PDIA6: variants seen among roughly 807,000 people sequenced by gnomAD.
The protein encoded by PDIA6 is protein disulfide isomerase family A member 6, also known as protein disulfide-isomerase A6.
PDIA6 carries 29 observed loss-of-function variants against 58.4 expected under a neutral mutation model. That is an observed-to-expected ratio of 0.50 (90% CI 0.37 to 0.68). The LOEUF is 0.68. PDIA6 is among the 30% of genes least tolerant of loss of function. The probability of loss-of-function intolerance (pLI) is 0.00; values close to 1 mark genes in which losing one functional copy is unlikely to be tolerated. For synonymous variants in PDIA6, 192 were observed against 202.6 expected, an observed-to-expected ratio of 0.95 and a Z score of 0.44; for missense variants, 480 against 551.0, an observed-to-expected ratio of 0.87 and a Z score of 1.29.
chr2:10,789,929 T>C, intron 7 of PDIA6, 40 bp from the exon 8 acceptor site: 1 of 1,550,554 alleles, frequency 6.4e-7, no homozygotes. Flanking sequence ...CAATTAACAC[T>C]TAATGCAAAA....
rs150405130 is a variant in PDIA6, at chr2:10,806,920, G to A, written c.20-4280C>T. ...CTATACCATGTAGCCTAGGTTTTTA[G>A]TAAGTTATGCCATCTAGGTTTGTAT... On this transcript the variant is annotated intron_variant, in intron 1 of 12. Transcript: ENST00000272227. Among the ~76,000 whole-genome samples, 162 of 152,244 alleles carry A rather than the reference G, an allele frequency of 1.1e-3. 3 individuals carry two copies. The South Asian group carries it at 0.03, about 28-fold the overall frequency.
chr2:10,786,038 C>T lies in PDIA6; in HGVS notation c.1158-1008G>A, dbSNP rs998499719. ...CCCACAAACTTAATGAAAACACCCC[C>T]TTGGCCAGGCGTGGTGGCTCACACC... On this transcript the variant is annotated intron_variant, in intron 11 of 12. Coordinates refer to ENST00000272227, the MANE Select transcript of PDIA6 (RefSeq NM_005742.4). Among the ~76,000 whole-genome samples the T allele has an allele frequency of 2.0e-5, 3 of 152,168 alleles. No homozygotes were observed. In the South Asian group the frequency reaches 6.2e-4, roughly 32 times the overall value.
At chr2:10,784,719 T>C (rs1374226045) in intron 12 of PDIA6, 1 of 551,572 alleles carries the variant, frequency 1.8e-6, no homozygotes, top group African/African-American at 1.9e-5. Flanking sequence ...ACTACTGAAA[T>C]GTATCTTGGC....
chr2:10,836,330 G>T (rs2148587069), upstream of PDIA6, among the ~76,000 whole-genome samples: 1 of 152,216 alleles, frequency 6.6e-6, no homozygotes, highest in South Asian at 2.1e-4. Flanking sequence ...GTCTAGGATG[G>T]GTCTGGGGCT....
intron 1 of PDIA6, among the ~76,000 whole-genome samples, chr2:10,831,180 G>A (rs942537168): frequency 6.6e-6 from 1 of 152,186 alleles, no homozygotes; most frequent in African/African-American, 2.4e-5. Context: ...ACTGTGATAG[G>A]GCGGGCGTTG....
intron 1 of PDIA6, among the ~76,000 whole-genome samples, 153 bp downstream of exon 1, chr2:10,812,525 G>A (rs997364712): frequency 6.6e-6 from 1 of 151,588 alleles, no homozygotes; most frequent in African/African-American, 2.4e-5. Flanking sequence ...GGGCAACCTA[G>A]CAGCTCCTCC....
chr2:10,817,665 A>C (rs553604471), upstream of PDIA6, among the ~76,000 whole-genome samples: 1 of 152,358 alleles, frequency 6.6e-6, no homozygotes, highest in South Asian at 2.1e-4. Flanking sequence ...CTCTTCCACC[A>C]GGCGGAATTG....
At chr2:10,833,455 C>G (rs1667757831), upstream of PDIA6, among the ~76,000 whole-genome samples, 1 of 152,216 alleles carries the variant, frequency 6.6e-6, no homozygotes, top group Non-Finnish European at 1.5e-5. Context: ...TTCAGTCCAT[C>G]ACCACAGTGG....
intron 1 of PDIA6, among the ~76,000 whole-genome samples, chr2:10,803,209 G>A (rs1242990908): frequency 1.3e-5 from 2 of 152,180 alleles, no homozygotes; most frequent in African/African-American, 4.8e-5. Context: ...CCAGGCTGGA[G>A]TGCAATGGCA....
At position 10,784,957 on chromosome 2, in the gene PDIA6, GCT is replaced by G; in HGVS notation, c.1229_1230del (p.Glu410AlafsTer14). ...GGAFPTIVER[E>X]PWDGRDGELP... ...ACCTCGCCATCCCTGCCGTCCCAAG[GCT>G]CTCTCTCAACGATGGTAGGGAAAGC... On this transcript the variant is annotated frameshift_variant, in exon 12 of 13. Transcript: ENST00000272227. LOFTEE classifies it high-confidence loss of function. 3 of 1,589,772 alleles carry G rather than the reference GCT, an allele frequency of 1.9e-6. No individual in the cohort carries two copies. Among genetic ancestry groups the G allele is most frequent in the Non-Finnish European group, 2.6e-6 (3 of 1,166,722 alleles).
chr2:10,834,776 G>A (rs930110963), upstream of PDIA6, among the ~76,000 whole-genome samples: 7 of 105,562 alleles, frequency 6.6e-5, no homozygotes, highest in South Asian at 3.0e-4. Flanking sequence ...CCTTCCTTCC[G>A]TTCTTTCTTT....
chr2:10,801,232 C>G (rs1298378306), intron 2 of PDIA6, among the ~76,000 whole-genome samples: 1 of 152,140 alleles, frequency 6.6e-6, no homozygotes, highest in African/African-American at 2.4e-5. Flanking sequence ...GAGCCGTGAT[C>G]ATGCTGCTGC....
intron 1 of PDIA6, among the ~76,000 whole-genome samples, chr2:10,803,911 GTTT>G (rs754643092): frequency 2.5e-5 from 3 of 117,888 alleles, no homozygotes; most frequent in South Asian, 3.2e-4. Flanking sequence ...TAGTTTTTGT[GTTT>G]TTTTTTTTTT....
intron 1 of PDIA6, among the ~76,000 whole-genome samples, chr2:10,826,547 A>C (rs533301105): frequency 1.3e-3 from 200 of 152,150 alleles, no homozygotes; most frequent in African/African-American, 4.7e-3. Context: ...TTTAGTAGAG[A>C]GGAGGTTTTG....
At chr2:10,814,527 A>G (rs1156673358), upstream of PDIA6, among the ~76,000 whole-genome samples, 6 of 152,118 alleles carry the variant, frequency 3.9e-5, no homozygotes, top group Non-Finnish European at 8.8e-5. Flanking sequence ...CTGAGGGGCA[A>G]TGAATGCTGT....
intron 6 of PDIA6, among the ~76,000 whole-genome samples, chr2:10,791,156 T>C (rs1666018221): frequency 1.3e-5 from 2 of 152,184 alleles, no homozygotes; most frequent in East Asian, 1.9e-4. Context: ...TTTTCTTTTT[T>C]TTTTTAAGAC....
At chr2:10,819,191 G>T in intron 2 of PDIA6, 1 of 774,088 alleles carries the variant, frequency 1.3e-6, no homozygotes. Context: ...CCATCCGTCT[G>T]TTAGTGGACA....
At chr2:10,793,325 C>T (rs558699474) in intron 4 of PDIA6, 123 bp from the exon 5 acceptor site, 7 of 650,410 alleles carry the variant, frequency 1.1e-5, no homozygotes, top group East Asian at 8.2e-5. Context: ...AGTTCTGACA[C>T]GTGTATCTCT....
chr2:10,834,732 CTCCTTCCT>C (rs869156704), upstream of PDIA6, among the ~76,000 whole-genome samples: 33 of 36,448 alleles, frequency 9.1e-4, no homozygotes, highest in African/African-American at 3.2e-3. Context: ...CCTTCCTTCC[CTCCTTCCT>C]TCCTTCCTTC....
Sources: gnomAD v4.1 joint callset for allele counts (sites outside exome capture counted in the v4.1 genomes callset) on GRCh38, gnomAD v4.1.1 for gene constraint, MANE v1.5 for transcripts, NCBI Gene and HGNC (gene_info 2026-07-23, HGNC 2026-07-21) for gene names.